RHBDD1: variants seen among roughly 807,000 people sequenced by gnomAD.
RHBDD1 encodes the protein rhomboid domain containing 1.
A neutral mutation model predicts 36.3 loss-of-function variants in RHBDD1; 38 were observed. That is an observed-to-expected ratio of 1.05 (90% CI 0.81 to 1.37). The LOEUF (loss-of-function observed/expected upper bound fraction) is 1.37. RHBDD1 is among the 40% of genes most tolerant of loss of function. The pLI is 0.00. For missense variants in RHBDD1, 393 were observed against 377.6 expected (o/e 1.04, Z -0.34); for synonymous variants, 151 against 136.5 (o/e 1.11, Z -0.74).
chr2:226,900,047 CTCAA>C (rs1425489825), intron 5 of RHBDD1, among the ~76,000 whole-genome samples: 1 of 152,084 alleles, frequency 6.6e-6, no homozygotes, highest in Non-Finnish European at 1.5e-5. Context: ...AATTATTCAC[CTCAA>C]TCAAGGGTTT....
rs535997227 is a variant in RHBDD1, at chr2:226,900,034, A to T, written c.567-6759A>T. ...CTGATGTCTGAAATTCTTGTTTGTGATGAATTATTCACCTCAATCAAGGGT... is the reference window on the plus strand; with the variant it reads ...CTGATGTCTGAAATTCTTGTTTGTGTTGAATTATTCACCTCAATCAAGGGT... On this transcript the variant is annotated intron_variant, in intron 5 of 8. Coordinates refer to ENST00000392062, the MANE Select transcript of RHBDD1 (RefSeq NM_001167608.3). 9.2e-5 allele frequency among the ~76,000 whole-genome samples: 14 copies of T among 152,328 alleles called. No individual in the cohort carries two copies. In the South Asian group the frequency reaches 2.9e-3, roughly 32 times the overall value.
At chr2:226,897,631 T>A (rs1281179173) in intron 5 of RHBDD1, among the ~76,000 whole-genome samples, 4 of 152,122 alleles carry the variant, frequency 2.6e-5, no homozygotes, top group Non-Finnish European at 5.9e-5. Flanking sequence ...AAAGACCACA[T>A]GGCGAGAGAG....
At chr2:226,837,181 C>G (rs1941071653) in intron 1 of RHBDD1, among the ~76,000 whole-genome samples, 1 of 152,176 alleles carries the variant, frequency 6.6e-6, no homozygotes, top group Admixed American at 6.5e-5. Context: ...GACATGTTAC[C>G]TCACAGGGCT....
At chr2:226,834,806 G>C (rs1256805080), upstream of RHBDD1, among the ~76,000 whole-genome samples, 3 of 148,672 alleles carry the variant, frequency 2.0e-5, no homozygotes, top group Non-Finnish European at 3.0e-5. Flanking sequence ...TTTTGAGATA[G>C]AGTCATGCTC....
At chr2:226,847,989 T>G (rs1223960146) in intron 3 of RHBDD1, among the ~76,000 whole-genome samples, 1 of 152,200 alleles carries the variant, frequency 6.6e-6, no homozygotes, top group Non-Finnish European at 1.5e-5. Context: ...CTGGCCCTGG[T>G]AGGAGAAAGT....
chr2:226,803,810 A>G, the RHBDD1 span, among the ~76,000 whole-genome samples: 1 of 152,216 alleles, frequency 6.6e-6, no homozygotes, highest in East Asian at 1.9e-4. Context: ...TAGGCCAATT[A>G]AAAGAGAGCT....
the RHBDD1 span, chr2:226,805,056 T>C: frequency 6.6e-6 from 1 of 152,230 alleles, no homozygotes; most frequent in African/African-American, 2.4e-5. Flanking sequence ...GCTTTTTCTT[T>C]TTTAATTTTC....
intron 8 of RHBDD1, among the ~76,000 whole-genome samples, chr2:226,953,141 G>A (rs919655245): frequency 2.0e-5 from 3 of 152,060 alleles, no homozygotes; most frequent in Non-Finnish European, 2.9e-5. Context: ...AACACAATAC[G>A]GTGAATTTTA....
chr2:226,969,293 C>T (rs920289932), intron 8 of RHBDD1, among the ~76,000 whole-genome samples: 1 of 151,440 alleles, frequency 6.6e-6, no homozygotes, highest in Non-Finnish European at 1.5e-5. Context: ...GACCTTAGTT[C>T]CTAATGGGCT....
intron 3 of RHBDD1, among the ~76,000 whole-genome samples, chr2:226,840,753 C>T (rs933102138): frequency 6.6e-6 from 1 of 152,126 alleles, no homozygotes; most frequent in Non-Finnish European, 1.5e-5. Context: ...TGCAAAGTCA[C>T]AATATCAGGA....
At position 226,911,664 on chromosome 2, in the gene RHBDD1, G is replaced by T. The variant is rs766857846; in HGVS notation, c.713-2544G>T. Among the ~76,000 whole-genome samples the T allele has an allele frequency of 1.5e-4, 23 of 151,586 alleles. No homozygotes were observed. The South Asian group carries it at 1.7e-3, about 11-fold the overall frequency. ...TTGGGTGTTCCCCAGTGCAGCAATG[G>T]GGGCTAAATTTTTCTGATTCTATTG... On this transcript the variant is annotated intron_variant, in intron 7 of 8. Coordinates refer to ENST00000392062, the MANE Select transcript of RHBDD1 (RefSeq NM_001167608.3).
intron 3 of RHBDD1, among the ~76,000 whole-genome samples, chr2:226,841,438 A>G (rs1257541648): frequency 2.0e-5 from 3 of 152,026 alleles, no homozygotes; most frequent in Non-Finnish European, 4.4e-5. Context: ...TCCATTAGCT[A>G]TTGTTCCTCC....
Position 226,884,232 on chromosome 2 carries a change from T to TA in RHBDD1, c.566+16918dup, listed in dbSNP as rs1946028713. Among the ~76,000 whole-genome samples, 4 of 152,190 alleles carry TA rather than the reference T, an allele frequency of 2.6e-5. No homozygotes were observed. The South Asian group carries it at 8.3e-4, about 32-fold the overall frequency. On this transcript the variant is annotated intron_variant, in intron 5 of 8. Transcript: ENST00000392062. ...TGTGCAGTATTAAGTGATTTTTAGT[T>TA]AAAAGTCATGGGAGTTAAATAGGCA...
rs116517970 is a variant in RHBDD1, at chr2:226,896,053, A to G, written c.567-10740A>G. Among the ~76,000 whole-genome samples, 510 of 152,314 alleles carry G rather than the reference A, an allele frequency of 3.3e-3. 1 individual carries two copies. Among genetic ancestry groups the G allele is most frequent in the Non-Finnish European group, 6.2e-3 (422 of 68,028 alleles). ...TTATGTATATTTGTGTGTCTGCATA[A>G]TATGTTATATGTATAAATATGTAAC... On this transcript the variant is annotated intron_variant, in intron 5 of 8. Coordinates refer to ENST00000392062, the MANE Select transcript of RHBDD1 (RefSeq NM_001167608.3).
intron 8 of RHBDD1, among the ~76,000 whole-genome samples, chr2:226,933,829 T>C (rs934174810): frequency 1.3e-5 from 2 of 152,216 alleles, no homozygotes; most frequent in African/African-American, 4.8e-5. Flanking sequence ...TATTCTTCAC[T>C]GGGGTTTGAA....
chr2:226,899,072 A>G (rs1275288656), intron 5 of RHBDD1, among the ~76,000 whole-genome samples: 1 of 152,348 alleles, frequency 6.6e-6, no homozygotes, highest in East Asian at 1.9e-4. Flanking sequence ...GAGGGCCTTT[A>G]TAGCTTGTCA....
chr2:226,841,805 T>C (rs946957338), intron 3 of RHBDD1, among the ~76,000 whole-genome samples: 4 of 152,242 alleles, frequency 2.6e-5, no homozygotes, highest in Non-Finnish European at 4.4e-5. Flanking sequence ...CCTTTGGGTA[T>C]ATACCCAGTA....
intron 8 of RHBDD1, 52 bp downstream of exon 8, chr2:226,914,403 G>C: frequency 6.4e-7 from 1 of 1,554,526 alleles, no homozygotes; most frequent in Non-Finnish European, 8.7e-7. Flanking sequence ...ATGTGGTAAG[G>C]TAGTCTGAAA....
chr2:226,915,935 G>C (rs892134789), intron 8 of RHBDD1, among the ~76,000 whole-genome samples: 43 of 152,148 alleles, frequency 2.8e-4, no homozygotes, highest in Non-Finnish European at 5.6e-4. Flanking sequence ...TTTGGCTAGC[G>C]AGCTAAGGTG....
Sources: allele counts gnomAD v4.1 joint callset (sites outside exome capture counted in the v4.1 genomes callset), GRCh38; gene constraint gnomAD v4.1.1; transcripts MANE v1.5; gene names NCBI Gene and HGNC (gene_info 2026-07-23, HGNC 2026-07-21).